Variants in NXPE4 observed in about 807,000 individuals in gnomAD.
The protein encoded by NXPE4 is NXPE family member 4.
A neutral mutation model predicts 33.3 loss-of-function variants in NXPE4; 42 were observed. The ratio of observed to expected loss-of-function variants is 1.26; its 90% CI spans 0.98 to 1.63. NXPE4 has a LOEUF of 1.63. Among genes scored for constraint, NXPE4 ranks in the 40% most tolerant of loss-of-function variants. The pLI is 0.00. For missense variants in NXPE4, 709 were observed against 647.6 expected, an observed-to-expected ratio of 1.09 and a Z score of -1.03; for synonymous variants, 253 against 234.9, an observed-to-expected ratio of 1.08 and a Z score of -0.71.
At chr11:114,641,041 A>G in the NXPE4 span, among the ~76,000 whole-genome samples, 1 of 151,826 alleles carries the variant, frequency 6.6e-6, no homozygotes, top group East Asian at 1.9e-4. Context: ...CAAAACAGAA[A>G]CAAGACATCA....
chr11:114,602,058 A>C, the NXPE4 span, among the ~76,000 whole-genome samples: 1 of 94,318 alleles, frequency 1.1e-5, no homozygotes, highest in Non-Finnish European at 1.8e-5. Flanking sequence ...TATATTATAT[A>C]TATTATAATA....
the NXPE4 span, among the ~76,000 whole-genome samples, chr11:114,632,034 A>G: frequency 6.8e-6 from 1 of 146,070 alleles, no homozygotes; most frequent in Non-Finnish European, 1.5e-5. Flanking sequence ...TATACTTTAT[A>G]TATAATATAT....
At chr11:114,663,667 C>A in the NXPE4 span, among the ~76,000 whole-genome samples, 1 of 84,570 alleles carries the variant, frequency 1.2e-5, no homozygotes, top group Non-Finnish European at 2.5e-5. Context: ...ATTTATCTAT[C>A]ATCTATCTAT....
At chr11:114,659,754 T>G in the NXPE4 span, among the ~76,000 whole-genome samples, 1 of 152,070 alleles carries the variant, frequency 6.6e-6, no homozygotes. Context: ...TAATCTTTCA[T>G]GTTAAGAAAC....
chr11:114,638,148 A>G, the NXPE4 span, among the ~76,000 whole-genome samples: 2 of 151,680 alleles, frequency 1.3e-5, no homozygotes, highest in Non-Finnish European at 2.9e-5. Context: ...TATTTCTCGG[A>G]GGCTTTGTTC....
At chr11:114,625,324 T>C in the NXPE4 span, among the ~76,000 whole-genome samples, 224 of 151,962 alleles carry the variant, frequency 1.5e-3, no homozygotes, top group African/African-American at 5.2e-3. Context: ...AGTGTTGCAC[T>C]GTGGGTAACC....
At chr11:114,605,593 G>A in the NXPE4 span, among the ~76,000 whole-genome samples, 15 of 151,530 alleles carry the variant, frequency 9.9e-5, no homozygotes, top group East Asian at 1.8e-3. Flanking sequence ...TTGCCTCGTC[G>A]GTAACCACTG....
At chr11:114,651,028 G>T in the NXPE4 span, among the ~76,000 whole-genome samples, 1 of 152,078 alleles carries the variant, frequency 6.6e-6, no homozygotes, top group East Asian at 1.9e-4. Context: ...AGAATTTGAA[G>T]TCTGTGGTAC....
At chr11:114,666,157 C>T in the NXPE4 span, among the ~76,000 whole-genome samples, 1 of 152,160 alleles carries the variant, frequency 6.6e-6, no homozygotes, top group East Asian at 1.9e-4. Context: ...CCTTCTCCTT[C>T]TCTCTCTAAG....
chr11:114,642,984 G>T, the NXPE4 span, among the ~76,000 whole-genome samples: 1 of 152,044 alleles, frequency 6.6e-6, no homozygotes, highest in Admixed American at 6.6e-5. Context: ...TGGTTTTGTG[G>T]TTTTGATTTG....
At chr11:114,584,625 A>T (rs1157976575) in intron 2 of NXPE4, 1 of 157,292 alleles carries the variant, frequency 6.4e-6, no homozygotes, top group Non-Finnish European at 1.4e-5. Flanking sequence ...AAGAAATGTC[A>T]CAGAAGAGGA....
At chr11:114,633,492 TA>T in the NXPE4 span, among the ~76,000 whole-genome samples, 1 of 150,872 alleles carries the variant, frequency 6.6e-6, no homozygotes, top group Admixed American at 6.7e-5. Context: ...CTTCAAGTTT[TA>T]GGGTACATGT....
At chr11:114,598,208 T>C (rs1949600144), upstream of NXPE4, among the ~76,000 whole-genome samples, 1 of 118,778 alleles carries the variant, frequency 8.4e-6, no homozygotes, top group African/African-American at 3.2e-5. Flanking sequence ...AATAATCTCC[T>C]TTGACCCCAT....
At chr11:114,646,093 C>T in the NXPE4 span, among the ~76,000 whole-genome samples, 14 of 152,026 alleles carry the variant, frequency 9.2e-5, no homozygotes, top group Non-Finnish European at 1.9e-4. Flanking sequence ...TTCCCTTCAA[C>T]TTCTTTTATT....
Position 114,582,310 on chromosome 11 carries a change from G to A in NXPE4, c.808C>T (p.Gln270Ter), listed in dbSNP as rs761735843. Residue 270 changes from glutamine to a stop codon, truncating the protein, a stop_gained, in exon 3 of 6, where the codon CAA becomes TAA. Transcript: ENST00000375478. LOFTEE classifies it high-confidence loss of function. ...TACCTTTCAAAGAGGCTCTTTTCTT[G>A]TTTGCTAAGATAAGAAACTTTCTTG... ...KNKKVSYLSKQEKSLFERSNV... is the reference protein window; with the variant it reads ...KNKKVSYLSK 8.9e-6 allele frequency: 14 copies of A among 1,581,698 alleles called. No homozygotes were observed. Among genetic ancestry groups the A allele is most frequent in the Middle Eastern group, 3.4e-4 (2 of 5,852 alleles).
chr11:114,637,447 C>G, the NXPE4 span, among the ~76,000 whole-genome samples: 1,550 of 151,924 alleles, frequency 0.01, 25 homozygotes, highest in African/African-American at 0.035. Context: ...TTAATTGGAG[C>G]ATTTAGTCCA....
intron 2 of NXPE4, among the ~76,000 whole-genome samples, chr11:114,584,961 T>C (rs1040999838): frequency 6.6e-6 from 1 of 151,994 alleles, no homozygotes. Flanking sequence ...GGGAATACTT[T>C]TGTGCAAACA....
At chr11:114,656,283 T>C in the NXPE4 span, among the ~76,000 whole-genome samples, 245 of 152,160 alleles carry the variant, frequency 1.6e-3, 1 homozygote, top group African/African-American at 4.3e-3. Flanking sequence ...TAAGGGAGGA[T>C]ACAAACAAAT....
chr11:114,651,330 C>T, the NXPE4 span, among the ~76,000 whole-genome samples: 4 of 151,084 alleles, frequency 2.6e-5, no homozygotes, highest in African/African-American at 7.3e-5. Flanking sequence ...TGTTACAGCT[C>T]GTTAAGGTGG....
Sources: gnomAD v4.1 joint callset for allele counts (sites outside exome capture counted in the v4.1 genomes callset) on GRCh38, gnomAD v4.1.1 for gene constraint, MANE v1.5 for transcripts, NCBI Gene and HGNC (gene_info 2026-07-23, HGNC 2026-07-21) for gene names.